Variants in PCDHA2 observed in about 807,000 individuals in gnomAD.
PCDHA2 encodes protocadherin alpha 2.
A neutral mutation model predicts 66.0 loss-of-function variants in PCDHA2; 58 were observed. That is an observed-to-expected ratio of 0.88 (90% CI 0.71 to 1.09). The LOEUF is 1.09. PCDHA2 is among the 50% of genes least tolerant of loss of function. PCDHA2 has a pLI of 0.00. For synonymous variants in PCDHA2, 634 were observed against 554.0 expected, an observed-to-expected ratio of 1.14 and a Z score of -2.03; for missense variants, 1,267 against 1,242.3, an observed-to-expected ratio of 1.02 and a Z score of -0.30.
intron 3 of PCDHA2, 112 bp downstream of exon 3, chr5:140,982,675 T>A (rs782533593): frequency 1.3e-4 from 192 of 1,441,664 alleles, no homozygotes; most frequent in Middle Eastern, 9.1e-4. Flanking sequence ...ATTTTTGTTA[T>A]TCCCTTTTTT....
chr5:140,941,245 TTCTTTCTTTCTC>T (rs2092955664), intron 1 of PCDHA2, among the ~76,000 whole-genome samples: 1 of 140,868 alleles, frequency 7.1e-6, no homozygotes, highest in African/African-American at 2.6e-5. Flanking sequence ...CTTTCTTTCT[TTCTTTCTTTCTC>T]TTTCTTTCTT....
At chr5:140,816,835 T>A (rs1221518699) in intron 1 of PCDHA2, 3 of 152,054 alleles carry the variant, frequency 2.0e-5, no homozygotes, top group African/African-American at 7.2e-5. Context: ...CTCTGTGGTG[T>A]CTGTGTGCTG....
Position 140,883,641 on chromosome 5 carries a change from C to T in PCDHA2, c.2388+86289C>T, listed in dbSNP as rs1427282306. On this transcript the variant is annotated intron_variant, in intron 1 of 3. Coordinates refer to ENST00000526136, the MANE Select transcript of PCDHA2 (RefSeq NM_018905.3). ...GACAACGCGCCGGCGTTCGCGCAGC[C>T]CGAGTACACGGTGTTCGTGAAGGAA... is the stretch of plus-strand genomic sequence containing the variant. 3.7e-6 allele frequency: 6 copies of T among 1,613,840 alleles called. No homozygotes were observed. In the Admixed American group the frequency reaches 6.7e-5, roughly 18 times the overall value.
intron 1 of PCDHA2, chr5:140,883,733 C>G (rs1554179634): frequency 3.1e-6 from 5 of 1,613,458 alleles, no homozygotes; most frequent in African/African-American, 1.3e-5. Flanking sequence ...GGAGAACGCG[C>G]TGGTCTCCTA....
At chr5:140,831,520 CTT>C (rs2150195630) in intron 1 of PCDHA2, among the ~76,000 whole-genome samples, 29 of 122,402 alleles carry the variant, frequency 2.4e-4, no homozygotes, top group South Asian at 8.4e-4. Flanking sequence ...TGCCCCCCAC[CTT>C]TTTTTTTTTT....
In PCDHA2 at chr5:140,848,792, C is replaced by T; in HGVS notation, c.2388+51440C>T. 3.8e-6 allele frequency: 6 copies of T among 1,592,840 alleles called. 1 individual carries two copies. Among genetic ancestry groups the T allele is most frequent in the Non-Finnish European group, 5.2e-6 (6 of 1,163,812 alleles). On this transcript the variant is annotated intron_variant, in intron 1 of 3. Coordinates refer to ENST00000526136, the MANE Select transcript of PCDHA2 (RefSeq NM_018905.3). ...ACCGCGAGGAGCTGTGCGGGCGGAG[C>T]GCGGAGTGCAGCATCCACCTGGAGG... is the stretch of plus-strand genomic sequence containing the variant.
In PCDHA2 at chr5:140,915,632, C is replaced by CTCTG. The variant is rs1161142039; in HGVS notation, c.2389-63314_2389-63313insGTCT. 3.9e-3 allele frequency among the ~76,000 whole-genome samples: 565 copies of CTCTG among 144,610 alleles called. 2 individuals are homozygous for CTCTG. Among genetic ancestry groups the CTCTG allele is most frequent in the African/African-American group, 0.016 (538 of 34,672 alleles). 94.9% of individuals were successfully genotyped at this position (144,610 alleles called of 152,430 possible). A position where few individuals can be genotyped will look rare whatever the true frequency, so the allele number is the denominator to read the frequency against. On this transcript the variant is annotated intron_variant, in intron 1 of 3. Coordinates refer to ENST00000526136, the MANE Select transcript of PCDHA2 (RefSeq NM_018905.3). ...TGTCAAACAGTCTCTTTCTGTCTCT[C>CTCTG]TCTCTCTCTCTCTCTCTCTCTCTCA...
At chr5:140,941,214 C>CTTTCTTTCTTTCTTTTT (rs1554214039) in intron 1 of PCDHA2, among the ~76,000 whole-genome samples, 1 of 122,414 alleles carries the variant, frequency 8.2e-6, no homozygotes, top group East Asian at 2.3e-4. Context: ...TTTCTTTCTT[C>CTTTCTTTCTTTCTTTTT]CTTTCTTTCT....
chr5:140,894,852 T>C (rs1366360589), intron 1 of PCDHA2, among the ~76,000 whole-genome samples: 2 of 152,200 alleles, frequency 1.3e-5, no homozygotes, highest in African/African-American at 2.4e-5. Flanking sequence ...CATTTTTATA[T>C]GAAAAGTGCT....
At chr5:140,906,995 C>T (rs1177237804) in intron 1 of PCDHA2, among the ~76,000 whole-genome samples, 1 of 152,164 alleles carries the variant, frequency 6.6e-6, no homozygotes, top group Non-Finnish European at 1.5e-5. Flanking sequence ...GCATTCCTCC[C>T]TCTGGAACTA....
At chr5:140,798,254 A>G (rs1762308452) in intron 1 of PCDHA2, among the ~76,000 whole-genome samples, 1 of 152,238 alleles carries the variant, frequency 6.6e-6, no homozygotes, top group South Asian at 2.1e-4. Flanking sequence ...TTGTTACAAC[A>G]AAATGACAGC....
intron 1 of PCDHA2, chr5:140,875,600 C>T: frequency 6.2e-7 from 1 of 1,613,884 alleles, no homozygotes; most frequent in Non-Finnish European, 8.5e-7. Context: ...AAACACGGCA[C>T]CTTCGTGGGC....
chr5:140,801,228 G>A (rs1762661058), intron 1 of PCDHA2: 12 of 1,612,074 alleles, frequency 7.4e-6, no homozygotes, highest in Non-Finnish European at 1.0e-5. Context: ...AGATCCTGGA[G>A]CCCAGTGCCT....
At chr5:140,802,902 C>G (rs782553261) in intron 1 of PCDHA2, 1 of 1,613,772 alleles carries the variant, frequency 6.2e-7, no homozygotes, top group South Asian at 1.1e-5. Flanking sequence ...GCTGATGCCT[C>G]GGGTGGGTGG....
In PCDHA2 at chr5:140,927,750, G is replaced by T. The variant is rs155819; in HGVS notation, c.2389-51199G>T. The T allele has an allele frequency of 1.4e-3, 2,310 of 1,614,204 alleles. 26 individuals carry two copies. In the African/African-American group the frequency reaches 0.026, roughly 18 times the overall value. On this transcript the variant is annotated intron_variant, in intron 1 of 3. Coordinates refer to ENST00000526136, the MANE Select transcript of PCDHA2 (RefSeq NM_018905.3). ...CAGAGCTGCGACACCGCTTTCACGT[G>T]CACCCTAAAAGTGGGGAGGTGCAAG...
intron 3 of PCDHA2, among the ~76,000 whole-genome samples, chr5:141,005,571 G>A (rs1053042213): frequency 4.0e-5 from 6 of 151,334 alleles, no homozygotes; most frequent in African/African-American, 4.9e-5. Context: ...GCATGGTGGC[G>A]CGTGCCTGTA....
intron 1 of PCDHA2, chr5:140,883,585 C>G: frequency 6.2e-7 from 1 of 1,614,028 alleles, no homozygotes; most frequent in Non-Finnish European, 8.5e-7. Flanking sequence ...GGGCCACGGC[C>G]AGCGTGTCGG....
chr5:140,944,608 G>A (rs2093673405), intron 1 of PCDHA2, among the ~76,000 whole-genome samples: 1 of 152,176 alleles, frequency 6.6e-6, no homozygotes, highest in Non-Finnish European at 1.5e-5. Flanking sequence ...AGAGTAGTGT[G>A]CTGTAGAAGT....
intron 1 of PCDHA2, chr5:140,829,335 G>A: frequency 6.2e-7 from 1 of 1,614,232 alleles, no homozygotes. Flanking sequence ...GCCCTGGACC[G>A]CGAGAGCGTG....
Sources: allele counts gnomAD v4.1 joint callset (sites outside exome capture counted in the v4.1 genomes callset), GRCh38; gene constraint gnomAD v4.1.1; transcripts MANE v1.5; gene names NCBI Gene and HGNC (gene_info 2026-07-23, HGNC 2026-07-21).